Variants in LUC7L2 observed in about 807,000 individuals in gnomAD.
The protein encoded by LUC7L2 is LUC7 like 2, pre-mRNA splicing factor.
In LUC7L2, 25 loss-of-function variants were observed where a neutral mutation model predicts 52.8. The observed-to-expected ratio is 0.47, with a 90% CI of 0.34 to 0.66. The LOEUF (loss-of-function observed/expected upper bound fraction) is 0.66. Ranked by LOEUF, LUC7L2 falls within the 30% of genes least tolerant of loss-of-function variation. LUC7L2 has a pLI of 0.01. For missense variants in LUC7L2, 328 were observed against 497.8 expected (o/e 0.66, Z 3.25); for synonymous variants, 144 against 160.9 (o/e 0.89, Z 0.80).
Position 139,341,545 on chromosome 7 carries a change from G to A in LUC7L2, c.-26+1028G>A, listed in dbSNP as rs769211858. 1.6e-5 allele frequency: 26 copies of A among 1,605,174 alleles called. No homozygotes were observed. The East Asian group carries it at 5.6e-4, about 35-fold the overall frequency. Reference sequence around the variant, plus strand: ...CGGGTACGGGAGCCATGTCCCGGGTGCTCTACGTGCTGGGGAGGGAGGAAG... The same window carrying A: ...CGGGTACGGGAGCCATGTCCCGGGTACTCTACGTGCTGGGGAGGGAGGAAG... On this transcript the variant is annotated intron_variant, in intron 1 of 10. Transcript: ENST00000541170.
chr7:139,355,942 A>T (rs1217015167), upstream of LUC7L2, among the ~76,000 whole-genome samples: 1 of 152,210 alleles, frequency 6.6e-6, no homozygotes, highest in African/African-American at 2.4e-5. Flanking sequence ...GCTATCTTTA[A>T]AAGAGTGAAA....
intron 1 of LUC7L2, among the ~76,000 whole-genome samples, chr7:139,346,865 G>C (rs1799285109): frequency 6.6e-6 from 1 of 152,110 alleles, no homozygotes; most frequent in South Asian, 2.1e-4. Flanking sequence ...ACAGAAACTT[G>C]GGCTTCATTT....
intron 2 of LUC7L2, among the ~76,000 whole-genome samples, chr7:139,395,815 C>A (rs986677879): frequency 1.3e-5 from 2 of 151,882 alleles, no homozygotes; most frequent in South Asian, 4.1e-4. Flanking sequence ...TAATTTTTTT[C>A]TTTTTTACTT....
intron 1 of LUC7L2, chr7:139,341,086 T>C (rs1798927462): frequency 3.3e-6 from 1 of 300,534 alleles, no homozygotes; most frequent in Non-Finnish European, 5.9e-6. Flanking sequence ...GTTGGTCGGC[T>C]AACGGGCATC....
upstream of LUC7L2, among the ~76,000 whole-genome samples, chr7:139,356,635 G>GATAGTAAAT (rs1368008091): frequency 2.7e-5 from 4 of 149,430 alleles, no homozygotes; most frequent in African/African-American, 1.0e-4. Context: ...AAAAAAGTCA[G>GATAGTAAAT]ATAGTAAATA....
intron 1 of LUC7L2, chr7:139,345,869 T>A: frequency 1.3e-6 from 1 of 781,980 alleles, no homozygotes; most frequent in Non-Finnish European, 1.9e-6. Context: ...TCTCAGTGAA[T>A]TTACTGAACT....
intron 9 of LUC7L2, among the ~76,000 whole-genome samples, chr7:139,418,496 A>G (rs1474851916): frequency 2.0e-5 from 3 of 152,324 alleles, no homozygotes; most frequent in Non-Finnish European, 2.9e-5. Context: ...AAGTATATGT[A>G]TGATAAACAT....
At chr7:139,345,706 C>T in intron 1 of LUC7L2, 3 of 1,613,722 alleles carry the variant, frequency 1.9e-6, no homozygotes, top group Non-Finnish European at 2.5e-6. Flanking sequence ...GAGCCATGAA[C>T]ATGGAGAATA....
intron 2 of LUC7L2, among the ~76,000 whole-genome samples, chr7:139,377,910 C>T (rs1043870385): frequency 2.7e-5 from 4 of 150,726 alleles, no homozygotes; most frequent in African/African-American, 4.9e-5. Flanking sequence ...CTCCACCTCC[C>T]GGGCTCAAGA....
At chr7:139,375,331 G>T in intron 1 of LUC7L2, 2 of 985,388 alleles carry the variant, frequency 2.0e-6, no homozygotes, top group South Asian at 9.4e-5. Flanking sequence ...AATATACCCA[G>T]TTTGGCAGTA....
At chr7:139,390,225 CTCTCTCT>C (rs1794383044) in intron 2 of LUC7L2, among the ~76,000 whole-genome samples, 1 of 150,770 alleles carries the variant, frequency 6.6e-6, no homozygotes, top group African/African-American at 2.4e-5. Context: ...GTCTCTCTCT[CTCTCTCT>C]CTCTCTCTTT....
chr7:139,381,145 T>C (rs973613097), intron 2 of LUC7L2, among the ~76,000 whole-genome samples: 11 of 152,078 alleles, frequency 7.2e-5, no homozygotes, highest in African/African-American at 2.7e-4. Context: ...TGCTGTTAAA[T>C]GTCTCAATAA....
At chr7:139,407,401 A>T in intron 6 of LUC7L2, 51 bp downstream of exon 6, 1 of 1,543,806 alleles carries the variant, frequency 6.5e-7, no homozygotes, top group African/African-American at 1.4e-5. Context: ...TTTGATCTGT[A>T]TCAGTTGCCT....
intron 1 of LUC7L2, among the ~76,000 whole-genome samples, chr7:139,367,991 G>A (rs1800250612): frequency 6.6e-6 from 1 of 152,094 alleles, no homozygotes; most frequent in Non-Finnish European, 1.5e-5. Flanking sequence ...AGAGCGGCAG[G>A]GCATGTTGCT....
chr7:139,377,368 C>T (rs1005528239), intron 2 of LUC7L2, among the ~76,000 whole-genome samples: 3 of 151,882 alleles, frequency 2.0e-5, no homozygotes, highest in Admixed American at 1.3e-4. Flanking sequence ...CCATGCCCGG[C>T]TAATTTTTGT....
intron 3 of LUC7L2, among the ~76,000 whole-genome samples, chr7:139,399,260 C>G (rs1794791374): frequency 6.6e-6 from 1 of 151,844 alleles, no homozygotes; most frequent in Admixed American, 6.6e-5. Flanking sequence ...ATAGCATTTA[C>G]ATTGTATTAG....
chr7:139,360,585 T>C (rs1799824784), intron 1 of LUC7L2, among the ~76,000 whole-genome samples: 1 of 152,156 alleles, frequency 6.6e-6, no homozygotes, highest in Non-Finnish European at 1.5e-5. Flanking sequence ...GCTTTTAATG[T>C]TGACTTGGCT....
At chr7:139,409,705 A>G (rs1263225874) in intron 7 of LUC7L2, 51 bp downstream of exon 7, 8 of 1,511,788 alleles carry the variant, frequency 5.3e-6, no homozygotes, top group Admixed American at 4.8e-5. Context: ...TGGTTCTAAA[A>G]AGAGATATAA....
At chr7:139,356,382 A>C (rs1442415775), upstream of LUC7L2, among the ~76,000 whole-genome samples, 1 of 151,482 alleles carries the variant, frequency 6.6e-6, no homozygotes, top group African/African-American at 2.4e-5. Context: ...AAAAATATCC[A>C]TTTAGAATTT....
Sources: allele counts gnomAD v4.1 joint callset (sites outside exome capture counted in the v4.1 genomes callset), GRCh38; gene constraint gnomAD v4.1.1; transcripts MANE v1.5; gene names NCBI Gene and HGNC (gene_info 2026-07-23, HGNC 2026-07-21).